GABRA5: variants seen among roughly 807,000 people sequenced by gnomAD.
The protein encoded by GABRA5 is gamma-aminobutyric acid type A receptor subunit alpha5, also known as gamma-aminobutyric acid receptor subunit alpha-5.
In GABRA5, 18 loss-of-function variants were observed where a neutral mutation model predicts 47.3. That is an observed-to-expected ratio of 0.38 (90% CI 0.26 to 0.56). The LOEUF is 0.56. Among genes scored for constraint, GABRA5 ranks in the 20% least tolerant of loss-of-function variants. The pLI is 0.71. For synonymous variants in GABRA5, 237 were observed against 229.3 expected, an observed-to-expected ratio of 1.03 and a Z score of -0.30; for missense variants, 365 against 599.3, an observed-to-expected ratio of 0.61 and a Z score of 4.08.
In GABRA5 at chr15:26,893,427, G is replaced by GTA. The variant is rs1344358719; in HGVS notation, c.497+9871_497+9872insAT. On this transcript the variant is annotated intron_variant, in intron 6 of 10. Coordinates refer to ENST00000335625, the MANE Select transcript of GABRA5 (RefSeq NM_000810.4). The stretch of plus-strand genomic sequence containing the variant: ...GTGTTGTGTGTGTTGTGTGTGTATG[G>GTA]TGTGTGGCGTGTGTGTGACTGCCCC... Among the ~76,000 whole-genome samples, 860 of 88,686 alleles carry GTA rather than the reference G, an allele frequency of 9.7e-3. 1 individual carries two copies. Among genetic ancestry groups the GTA allele is most frequent in the Middle Eastern group, 0.043 (6 of 138 alleles). 58.2% of individuals were successfully genotyped at this position (88,686 alleles called of 152,430 possible). A position where few individuals can be genotyped will look rare whatever the true frequency, so the allele number is the denominator to read the frequency against.
chr15:26,895,498 C>T (rs1893161411), intron 6 of GABRA5, among the ~76,000 whole-genome samples: 2 of 151,982 alleles, frequency 1.3e-5, no homozygotes, highest in African/African-American at 4.8e-5. Flanking sequence ...AGAAATAGTA[C>T]CTGTCTTCTA....
chr15:26,870,583 G>T (rs2140241060), intron 3 of GABRA5, among the ~76,000 whole-genome samples: 1 of 152,308 alleles, frequency 6.6e-6, no homozygotes, highest in Non-Finnish European at 1.5e-5. Context: ...TATTCCCTTG[G>T]GAAAGAGCAT....
rs144872149 is a variant in GABRA5, at chr15:26,874,275, A to G, written c.86+4941A>G. Reference sequence around the variant, plus strand: ...ATGAGTGTATCATATACACTCATTTATCAGCATGTATATGAGTGTATCCCC... The same window carrying G: ...ATGAGTGTATCATATACACTCATTTGTCAGCATGTATATGAGTGTATCCCC... On this transcript the variant is annotated intron_variant, in intron 3 of 10. Transcript: ENST00000335625. Among the ~76,000 whole-genome samples the G allele has an allele frequency of 4.8e-3, 726 of 152,316 alleles. 3 individuals carry two copies. The highest frequency in any genetic ancestry group is 7.1e-3 in the Non-Finnish European group (481 of 68,034).
chr15:26,870,917 C>T, intron 3 of GABRA5, among the ~76,000 whole-genome samples: 1 of 152,194 alleles, frequency 6.6e-6, no homozygotes, highest in Non-Finnish European at 1.5e-5. Context: ...CTAGGCCAGG[C>T]GTGATGGCTC....
intron 10 of GABRA5, among the ~76,000 whole-genome samples, chr15:26,945,638 G>T (rs1894492256): frequency 6.6e-6 from 1 of 152,196 alleles, no homozygotes; most frequent in African/African-American, 2.4e-5. Flanking sequence ...CCCAGGAAGG[G>T]CCTGACTCTG....
chr15:26,917,287 G>T (rs774903661), intron 7 of GABRA5, among the ~76,000 whole-genome samples: 1 of 152,042 alleles, frequency 6.6e-6, no homozygotes, highest in Non-Finnish European at 1.5e-5. Context: ...TCATGAAAGG[G>T]TGTGGAATTT....
rs373907682 is a variant in GABRA5, at chr15:26,924,609, C to T, written c.580+9724C>T. The stretch of plus-strand genomic sequence containing the variant: ...CGTCCTGGCCCCCTTAGTCTGTGGC[C>T]TTCTCTGGTGTCACTCCATCAGTGG... On this transcript the variant is annotated intron_variant, in intron 7 of 10. Coordinates refer to ENST00000335625, the MANE Select transcript of GABRA5 (RefSeq NM_000810.4). Among the ~76,000 whole-genome samples, 349 of 152,284 alleles carry T rather than the reference C, an allele frequency of 2.3e-3. 3 individuals are homozygous for T. The South Asian group carries it at 0.039, about 17-fold the overall frequency.
chr15:26,899,181 C>T (rs1005330428), intron 6 of GABRA5, among the ~76,000 whole-genome samples: 1 of 152,138 alleles, frequency 6.6e-6, no homozygotes, highest in Non-Finnish European at 1.5e-5. Flanking sequence ...TTTAAAATTT[C>T]TCTTATGATG....
At chr15:26,869,455 C>A (rs1471727910) in intron 3 of GABRA5, 121 bp downstream of exon 3, 12 of 681,564 alleles carry the variant, frequency 1.8e-5, no homozygotes. Context: ...AGTCCCAAGC[C>A]CTTCACTTGT....
Position 26,883,742 on chromosome 15 carries a change from G to A in GABRA5, c.497+185G>A, listed in dbSNP as rs1892803056. On this transcript the variant is annotated intron_variant, in intron 6 of 10. Coordinates refer to ENST00000335625, the MANE Select transcript of GABRA5 (RefSeq NM_000810.4). The surrounding 1 kb of genome is among the most constrained non-coding windows in gnomAD (Gnocchi z 4.8). ...AGCGCTCTTGGACGTTCTTTCCCAG[G>A]GCTGCCATAGGTCCGTGGCCGTTTG... is the stretch of plus-strand genomic sequence containing the variant. Among the ~76,000 whole-genome samples, 1 of 152,210 alleles carries A rather than the reference G, an allele frequency of 6.6e-6. No individual in the cohort carries two copies. The highest frequency in any genetic ancestry group is 2.1e-4 in the South Asian group (1 of 4,830).
intron 7 of GABRA5, among the ~76,000 whole-genome samples, chr15:26,929,034 G>C (rs369365273): frequency 0.014 from 2,002 of 146,200 alleles, 50 homozygotes; most frequent in African/African-American, 0.047. Flanking sequence ...TGAATTTTGG[G>C]GGGGACACAG....
At chr15:26,885,253 C>G (rs926178609) in intron 6 of GABRA5, among the ~76,000 whole-genome samples, 3 of 150,270 alleles carry the variant, frequency 2.0e-5, no homozygotes, top group Non-Finnish European at 4.4e-5. Flanking sequence ...GAGCCCAGAT[C>G]GCACCACTGC....
At chr15:26,884,803 G>T (rs942155538) in intron 6 of GABRA5, among the ~76,000 whole-genome samples, 6 of 152,210 alleles carry the variant, frequency 3.9e-5, no homozygotes, top group Admixed American at 6.5e-5. Context: ...TTTGGAGGGG[G>T]TTTACCAACG....
chr15:26,869,863 C>G (rs1008734831), intron 3 of GABRA5, among the ~76,000 whole-genome samples: 8 of 152,368 alleles, frequency 5.3e-5, no homozygotes, highest in Admixed American at 2.0e-4. Flanking sequence ...CCACAGGTGC[C>G]TGAAGATCTG....
chr15:26,925,650 G>T (rs563332102), intron 7 of GABRA5, among the ~76,000 whole-genome samples: 2 of 152,044 alleles, frequency 1.3e-5, no homozygotes, highest in South Asian at 2.1e-4. Flanking sequence ...GGATTAGTCT[G>T]CACTGATTGC....
intron 2 of GABRA5, 28 bp from the exon 3 acceptor site, chr15:26,869,147 G>A (rs1892399997): frequency 7.9e-6 from 6 of 756,072 alleles, no homozygotes; most frequent in Admixed American, 5.5e-5. Flanking sequence ...TGATGTTCAC[G>A]TGCTTCCCCG....
intron 9 of GABRA5, among the ~76,000 whole-genome samples, chr15:26,941,954 T>C (rs1305621673): frequency 6.6e-6 from 1 of 152,198 alleles, no homozygotes; most frequent in Admixed American, 6.5e-5. Context: ...GTACTGGAGG[T>C]TAGGACTTCA....
At chr15:26,933,574 T>C (rs542800984) in intron 7 of GABRA5, among the ~76,000 whole-genome samples, 2 of 152,176 alleles carry the variant, frequency 1.3e-5, no homozygotes, top group Non-Finnish European at 2.9e-5. Context: ...AGTTCATAAA[T>C]AGTAACAGCA....
rs866535845 is a variant in GABRA5, at chr15:26,867,966, G to T, written c.-139-763G>T. 3 of 151,994 alleles carry T rather than the reference G, an allele frequency of 2.0e-5. No individual in the cohort carries two copies. Among genetic ancestry groups the T allele is most frequent in the Non-Finnish European group, 4.4e-5 (3 of 68,002 alleles). 9.4% of individuals were successfully genotyped at this position (151,994 alleles called of 1,614,324 possible). On this transcript the variant is annotated intron_variant, in intron 1 of 10. Coordinates refer to ENST00000335625, the MANE Select transcript of GABRA5 (RefSeq NM_000810.4). This position sits in a 1 kb window ranked among gnomAD's most constrained non-coding sequence, Gnocchi z 5.9. ...CTGCGAAAGCCGGGAGCGAGCCGGG[G>T]AGGGCCGGGGAGCTGGAGACCCTCG...
Sources: allele counts gnomAD v4.1 joint callset (sites outside exome capture counted in the v4.1 genomes callset), GRCh38; gene constraint gnomAD v4.1.1; non-coding constraint Gnocchi (gnomAD v3.1); transcripts MANE v1.5; gene names NCBI Gene and HGNC (gene_info 2026-07-23, HGNC 2026-07-21).